The following ZNF317 variants were observed in gnomAD, a reference collection of about 807,000 sequenced individuals.
ZNF317 encodes KRAB-containing zinc finger protein 317.
ZNF317 carries 17 observed loss-of-function variants against 23.4 expected under a neutral mutation model. That is an observed-to-expected ratio of 0.73 (90% CI 0.50 to 1.09). The LOEUF is 1.09. Among genes scored for constraint, ZNF317 ranks in the 50% least tolerant of loss-of-function variants. The pLI is 0.00. For missense variants in ZNF317, 679 were observed against 796.7 expected, an observed-to-expected ratio of 0.85 and a Z score of 1.78; for synonymous variants, 317 against 314.9, an observed-to-expected ratio of 1.01 and a Z score of -0.07.
rs983288586 is a variant in ZNF317, at chr19:9,156,761, C to T, written c.162+13C>T. Reference sequence around the variant, plus strand: ...TGTTGGTTCCCAGGTGCACTAAGATCTCTGGGTCCCTAGAGCAGGAGAGGC... The same window carrying T: ...TGTTGGTTCCCAGGTGCACTAAGATTTCTGGGTCCCTAGAGCAGGAGAGGC... On this transcript the variant is annotated intron_variant, in intron 3 of 6. Coordinates refer to ENST00000247956, the MANE Select transcript of ZNF317 (RefSeq NM_020933.5). The T allele has an allele frequency of 6.2e-7, 1 of 1,612,168 alleles. No individual in the cohort carries two copies. The highest frequency in any genetic ancestry group is 8.5e-7 in the Non-Finnish European group (1 of 1,179,202).
At chr19:9,156,504 G>A in intron 2 of ZNF317, 108 bp from the exon 3 acceptor site, 1 of 1,382,280 alleles carries the variant, frequency 7.2e-7, no homozygotes. Flanking sequence ...AGAGAGGATT[G>A]AGGATGTGAA....
chr19:9,156,926 T>A, intron 3 of ZNF317, 178 bp downstream of exon 3: 1 of 784,374 alleles, frequency 1.3e-6, no homozygotes, highest in Non-Finnish European at 2.0e-6. Flanking sequence ...GGGAAGTGAT[T>A]TATGTAGCAT....
intron 1 of ZNF317, among the ~76,000 whole-genome samples, chr19:9,141,373 G>A (rs2050628295): frequency 6.6e-6 from 1 of 152,160 alleles, no homozygotes; most frequent in African/African-American, 2.4e-5. Flanking sequence ...AGAAAGCTGT[G>A]TGCCTCTTCT....
intron 1 of ZNF317, among the ~76,000 whole-genome samples, chr19:9,153,723 T>C (rs1344639819): frequency 6.6e-6 from 1 of 152,082 alleles, no homozygotes; most frequent in East Asian, 1.9e-4. Context: ...CAGGAGACAG[T>C]TGTAGAGGAG....
At chr19:9,151,040 G>T (rs1377185783) in intron 1 of ZNF317, among the ~76,000 whole-genome samples, 2 of 152,194 alleles carry the variant, frequency 1.3e-5, no homozygotes, top group African/African-American at 2.4e-5. Context: ...GTCGTTATTT[G>T]TAGAATTGGC....
chr19:9,143,644 C>T (rs1171346321), intron 1 of ZNF317, among the ~76,000 whole-genome samples: 1 of 81,124 alleles, frequency 1.2e-5, no homozygotes, highest in African/African-American at 7.6e-5. Flanking sequence ...GCTGTCTCAT[C>T]ATGTTCAATC....
At chr19:9,150,034 C>T (rs117283901) in intron 1 of ZNF317, among the ~76,000 whole-genome samples, 457 of 152,238 alleles carry the variant, frequency 3.0e-3, no homozygotes, top group Middle Eastern at 6.8e-3. Context: ...AAGGTGATGA[C>T]GAGCAAGGCT....
intron 1 of ZNF317, among the ~76,000 whole-genome samples, chr19:9,154,112 G>A (rs141684384): frequency 1.3e-4 from 19 of 144,644 alleles, no homozygotes; most frequent in Admixed American, 3.4e-4. Flanking sequence ...GGATTGCCTT[G>A]AGAAGGGAGG....
At position 9,160,395 on chromosome 19, in the gene ZNF317, C is replaced by A; in HGVS notation, c.750C>A (p.Tyr250Ter). 6.2e-7 allele frequency: 1 copy of A among 1,614,194 alleles called. No homozygotes were observed. Residue 250 changes from tyrosine to a stop codon, truncating the protein, a stop_gained, in exon 7 of 7, where the codon TAC becomes TAA. Coordinates refer to ENST00000247956, the MANE Select transcript of ZNF317 (RefSeq NM_020933.5). LOFTEE classifies it low-confidence loss of function (END_TRUNC). This position sits in a 1 kb window ranked among gnomAD's most constrained non-coding sequence, Gnocchi z 6.8. ...HRRIHTGEKPYECSDCGKAFN... is the reference protein window; with the variant it reads ...HRRIHTGEKP ...GAATCCACACCGGGGAGAAGCCTTA[C>A]GAGTGCAGCGACTGCGGGAAAGCCT...
At chr19:9,156,538 T>A in intron 2 of ZNF317, 74 bp from the exon 3 acceptor site, 1 of 1,547,588 alleles carries the variant, frequency 6.5e-7, no homozygotes, top group Non-Finnish European at 8.7e-7. Flanking sequence ...TGTGGAGCAG[T>A]TTCCTGGTTT....
intron 1 of ZNF317, among the ~76,000 whole-genome samples, chr19:9,142,458 T>A (rs1010154188): frequency 1.3e-5 from 2 of 152,220 alleles, no homozygotes. Context: ...GGCTTTTCTG[T>A]CGAATAGTTT....
Position 9,140,468 on chromosome 19 carries a change from G to C in ZNF317, c.-217G>C, listed in dbSNP as rs1199332938. On this transcript the variant is annotated 5_prime_UTR_variant, in exon 1 of 7. Coordinates refer to ENST00000247956, the MANE Select transcript of ZNF317 (RefSeq NM_020933.5). ...CATGGGCCAAGGAGGGGTCAGCGGC[G>C]AATTCTTTCGGCCTGTTGGGGACCC... is the stretch of plus-strand genomic sequence containing the variant. 2.2e-6 allele frequency: 1 copy of C among 456,092 alleles called. No individual in the cohort carries two copies. The highest frequency in any genetic ancestry group is 4.4e-6 in the Non-Finnish European group (1 of 226,732). The allele number at this position is 456,092 out of a possible 1,614,324, so 28.3% of individuals were successfully genotyped here.
chr19:9,157,723 C>G, intron 4 of ZNF317: 6 of 668,998 alleles, frequency 9.0e-6, no homozygotes, highest in Non-Finnish European at 1.2e-5. Context: ...ATGAAGGGTT[C>G]TCACTATGTT....
intron 1 of ZNF317, among the ~76,000 whole-genome samples, chr19:9,147,084 G>A (rs764366439): frequency 2.6e-5 from 4 of 152,156 alleles, no homozygotes; most frequent in Non-Finnish European, 5.9e-5. Flanking sequence ...TCTGACACCA[G>A]AAGTGCTTCC....
Position 9,160,008 on chromosome 19 carries a change from T to C in ZNF317, c.469-106T>C. On this transcript the variant is annotated intron_variant, in intron 6 of 6. Coordinates refer to ENST00000247956, the MANE Select transcript of ZNF317 (RefSeq NM_020933.5). The surrounding 1 kb of genome is among the most constrained non-coding windows in gnomAD (Gnocchi z 6.8). ...CGGCAGATGGTTACAGCTCTAGTCA[T>C]AGTAATGTGCTTCTATCTGTTCATA... 4 of 1,505,940 alleles carry C rather than the reference T, an allele frequency of 2.7e-6. No homozygotes were observed. The highest frequency in any genetic ancestry group is 3.6e-6 in the Non-Finnish European group (4 of 1,106,312). 93.3% of individuals were successfully genotyped at this position (1,505,940 alleles called of 1,614,324 possible). A position where few individuals can be genotyped will look rare whatever the true frequency, so the allele number is the denominator to read the frequency against.
chr19:9,148,115 A>C (rs939537448), intron 1 of ZNF317, among the ~76,000 whole-genome samples: 1 of 152,158 alleles, frequency 6.6e-6, no homozygotes, highest in Non-Finnish European at 1.5e-5. Context: ...AGGCCTCCCC[A>C]GAAGCAGATA....
In ZNF317 at chr19:9,161,626, G is replaced by T; in HGVS notation, c.*193G>T. ...AGGAGGTTTGTGAGAACTCACGCCG[G>T]GGGTGAAAATGTACGTCTGTAGCAT... is the stretch of plus-strand genomic sequence containing the variant. On this transcript the variant is annotated 3_prime_UTR_variant, in exon 7 of 7. Transcript: ENST00000247956. The surrounding 1 kb of genome is among the most constrained non-coding windows in gnomAD (Gnocchi z 4.0). 1 of 743,870 alleles carries T rather than the reference G, an allele frequency of 1.3e-6. No homozygotes were observed. The highest frequency in any genetic ancestry group is 2.1e-5 in the South Asian group (1 of 47,316). The allele number at this position is 743,870 out of a possible 1,614,324, so 46.1% of individuals were successfully genotyped here.
Position 9,162,643 on chromosome 19 carries a change from C to A in ZNF317, c.*1210C>A, listed in dbSNP as rs1318882098. The A allele has an allele frequency of 2.0e-5, 3 of 151,304 alleles. No individual in the cohort carries two copies. The highest frequency in any genetic ancestry group is 7.3e-5 in the African/African-American group (3 of 41,104). The allele number at this position is 151,304 out of a possible 1,614,324, so 9.4% of individuals were successfully genotyped here. A position where few individuals can be genotyped will look rare whatever the true frequency, so the allele number is the denominator to read the frequency against. Reference sequence around the variant, plus strand: ...TACTCTCTCATCATGAAAACAGAGCCCCGTTCATAAATTTTTCATCTTTAT... The same window carrying A: ...TACTCTCTCATCATGAAAACAGAGCACCGTTCATAAATTTTTCATCTTTAT... On this transcript the variant is annotated 3_prime_UTR_variant, in exon 7 of 7. Transcript: ENST00000247956.
chr19:9,160,937 C>T lies in ZNF317; in HGVS notation c.1292C>T (p.Ser431Phe). The T allele has an allele frequency of 1.9e-6, 3 of 1,614,206 alleles. No individual in the cohort carries two copies. The highest frequency in any genetic ancestry group is 2.2e-5 in the South Asian group (2 of 91,086). The change falls in exon 7 of 7, where the codon TCC (serine) becomes TTC (phenylalanine). Residue 431 changes from serine (S) to phenylalanine (F), a missense_variant. Ser to Phe is a radical substitution (Grantham distance 155, BLOSUM62 -2). Transcript: ENST00000247956. The surrounding 1 kb of genome is among the most constrained non-coding windows in gnomAD (Gnocchi z 6.8). Reference protein sequence around the residue: ...RQCGKTFRNQSILKTHMNSHT... With the variant: ...RQCGKTFRNQFILKTHMNSHT... ...TGCGGGAAGACCTTCCGAAACCAGT[C>T]CATCCTTAAGACTCACATGAACTCT...
Sources: allele counts gnomAD v4.1 joint callset (sites outside exome capture counted in the v4.1 genomes callset), GRCh38; gene constraint gnomAD v4.1.1; non-coding constraint Gnocchi (gnomAD v3.1); transcripts MANE v1.5; gene names NCBI Gene and HGNC (gene_info 2026-07-23, HGNC 2026-07-21).